CHST11: variants seen among roughly 807,000 people sequenced by gnomAD.
CHST11 encodes the protein C4S-1.
Under a neutral mutation model 30.4 loss-of-function variants are expected in CHST11, and 9 were observed. That is an observed-to-expected ratio of 0.30 (90% CI 0.18 to 0.52). The LOEUF (loss-of-function observed/expected upper bound fraction) is 0.52, where lower values mean the gene tolerates loss of function less well. CHST11 is among the 20% of genes least tolerant of loss of function. The probability of loss-of-function intolerance (pLI) is 0.97; values close to 1 mark genes in which losing one functional copy is unlikely to be tolerated. For synonymous variants in CHST11, 152 were observed against 187.8 expected, an observed-to-expected ratio of 0.81 and a Z score of 1.56; for missense variants, 348 against 460.6, an observed-to-expected ratio of 0.76 and a Z score of 2.24.
intron 1 of CHST11, among the ~76,000 whole-genome samples, chr12:104,472,180 G>A (rs1438122885): frequency 8.2e-6 from 1 of 121,680 alleles, no homozygotes; most frequent in East Asian, 2.3e-4. Flanking sequence ...TAGTTATGTT[G>A]CCCAGGCTGG....
chr12:104,544,718 AAAAAG>A (rs1447205325), intron 1 of CHST11, among the ~76,000 whole-genome samples: 2 of 145,166 alleles, frequency 1.4e-5, no homozygotes, highest in Non-Finnish European at 3.0e-5. Context: ...AAAAAAAAAA[AAAAAG>A]AAATCAGAAA....
At chr12:104,488,546 T>G (rs2037709134) in intron 1 of CHST11, among the ~76,000 whole-genome samples, 1 of 150,740 alleles carries the variant, frequency 6.6e-6, no homozygotes, top group Non-Finnish European at 1.5e-5. Context: ...TGTGTATGTG[T>G]GCGTGTATGT....
chr12:104,672,417 C>G (rs2039705370), intron 2 of CHST11, among the ~76,000 whole-genome samples: 1 of 152,204 alleles, frequency 6.6e-6, no homozygotes, highest in Non-Finnish European at 1.5e-5. Context: ...GAGACCATTG[C>G]TTTCTGCTTT....
intron 2 of CHST11, among the ~76,000 whole-genome samples, chr12:104,646,294 C>G (rs2039429546): frequency 6.6e-6 from 1 of 152,140 alleles, no homozygotes; most frequent in South Asian, 2.1e-4. Flanking sequence ...AGTGTTCCTC[C>G]TCTCACCTCC....
chr12:104,651,467 CA>C (rs1003915777), intron 2 of CHST11, among the ~76,000 whole-genome samples: 1 of 152,172 alleles, frequency 6.6e-6, no homozygotes, highest in African/African-American at 2.4e-5. Flanking sequence ...GGAAGAAAAA[CA>C]GCTTAAATAA....
chr12:104,704,255 C>G (rs1211933328), intron 2 of CHST11, among the ~76,000 whole-genome samples: 1 of 152,226 alleles, frequency 6.6e-6, no homozygotes, highest in African/African-American at 2.4e-5. Context: ...TCCCTGGGGC[C>G]TAACCCTTGC....
In CHST11 at chr12:104,564,876, A is replaced by C. The variant is rs924255268; in HGVS notation, c.119-37030A>C. On this transcript the variant is annotated intron_variant, in intron 1 of 2. Transcript: ENST00000303694. ...AGGCACATCTTACATGGTGGCAGGC[A>C]AGAGAGTGTGTGCAGGGGAACTGCC... 2.2e-4 allele frequency among the ~76,000 whole-genome samples: 34 copies of C among 152,220 alleles called. 1 individual carries two copies. The highest frequency in any genetic ancestry group is 2.2e-3 in the Admixed American group (34 of 15,282).
chr12:104,490,312 T>C (rs1235750646), intron 1 of CHST11, among the ~76,000 whole-genome samples: 3 of 152,216 alleles, frequency 2.0e-5, no homozygotes, highest in South Asian at 4.1e-4. Context: ...GCAGACGTGC[T>C]ATTAGGCTGC....
chr12:104,502,107 C>T (rs1457528391), intron 1 of CHST11, among the ~76,000 whole-genome samples: 3 of 151,874 alleles, frequency 2.0e-5, no homozygotes, highest in African/African-American at 7.3e-5. Context: ...TAGCTCACTG[C>T]AGCTTGAACT....
rs796468874 is a variant in CHST11, at chr12:104,618,219, CT to C, written c.204+16232del. 3.4e-3 allele frequency among the ~76,000 whole-genome samples: 381 copies of C among 111,906 alleles called. 2 individuals are homozygous for C. Among genetic ancestry groups the C allele is most frequent in the African/African-American group, 0.012 (338 of 29,376 alleles). 73.4% of individuals were successfully genotyped at this position (111,906 alleles called of 152,430 possible). A position where few individuals can be genotyped will look rare whatever the true frequency, so the allele number is the denominator to read the frequency against. ...ACTGTGCCTGGCTTCTTCTTCTTTT[CT>C]TTTCTTTTTTTTTTTTTTTTTAAAG... is the stretch of plus-strand genomic sequence containing the variant. On this transcript the variant is annotated intron_variant, in intron 2 of 2. Coordinates refer to ENST00000303694, the MANE Select transcript of CHST11 (RefSeq NM_018413.6).
chr12:104,699,156 C>A (rs762355910), intron 2 of CHST11, among the ~76,000 whole-genome samples: 2 of 152,122 alleles, frequency 1.3e-5, no homozygotes, highest in African/African-American at 4.8e-5. Flanking sequence ...TTGGGTGGGG[C>A]CTGGAAAGCT....
chr12:104,691,189 A>G (rs1426444515), intron 2 of CHST11, among the ~76,000 whole-genome samples: 4 of 152,170 alleles, frequency 2.6e-5, no homozygotes, highest in Admixed American at 2.6e-4. Flanking sequence ...CCAGTGCCCA[A>G]TAAGGCACGG....
At chr12:104,491,443 C>CTCTTCTTCTTCTTCTTCTTCTTCT (rs147243817) in intron 1 of CHST11, among the ~76,000 whole-genome samples, 4 of 151,502 alleles carry the variant, frequency 2.6e-5, no homozygotes, top group African/African-American at 9.7e-5. Flanking sequence ...TTACCTTAGT[C>CTCTTCTTCTTCTTCTTCTTCTTCT]TCTTCTTCTT....
chr12:104,594,276 GACCAGACGAGGGCTAAGAA>G (rs2038887493), intron 1 of CHST11, among the ~76,000 whole-genome samples: 3 of 151,772 alleles, frequency 2.0e-5, no homozygotes, highest in Non-Finnish European at 4.4e-5. Context: ...TGAGCAGGGT[GACCAGACGAGGGCTAAGAA>G]ACCCTCAGAC....
intron 2 of CHST11, among the ~76,000 whole-genome samples, chr12:104,603,546 G>A (rs963751662): frequency 5.9e-5 from 9 of 152,144 alleles, no homozygotes; most frequent in African/African-American, 1.9e-4. Context: ...TTCAAATCCC[G>A]GCTTCATCTC....
intron 1 of CHST11, among the ~76,000 whole-genome samples, chr12:104,591,379 T>C (rs1323036821): frequency 6.6e-6 from 1 of 151,898 alleles, no homozygotes; most frequent in African/African-American, 2.4e-5. Context: ...GTTTTTGTCA[T>C]AGCCCAAGGG....
chr12:104,677,601 A>C (rs1038165378), intron 2 of CHST11, among the ~76,000 whole-genome samples: 1 of 152,220 alleles, frequency 6.6e-6, no homozygotes, highest in Non-Finnish European at 1.5e-5. Flanking sequence ...CAGGGTGTCC[A>C]TTTGAAAGTG....
At position 104,501,255 on chromosome 12, in the gene CHST11, TTGAC is replaced by T. The variant is rs149104430; in HGVS notation, c.118+43729_118+43732del. On this transcript the variant is annotated intron_variant, in intron 1 of 2. Transcript: ENST00000303694. ...CCACAAGCCCAGGTCTCTTTTGCCT[TTGAC>T]TGTACAACCTGCTGCCTGGGAGTTC... 8.7e-3 allele frequency among the ~76,000 whole-genome samples: 1,328 copies of T among 152,272 alleles called. 16 individuals carry two copies. Among genetic ancestry groups the T allele is most frequent in the African/African-American group, 0.031 (1,272 of 41,544 alleles).
chr12:104,578,714 A>G (rs994566844), intron 1 of CHST11, among the ~76,000 whole-genome samples: 16 of 152,350 alleles, frequency 1.1e-4, no homozygotes, highest in African/African-American at 3.1e-4. Context: ...GCGCTCAGCA[A>G]GCTCTCTGAG....
Sources: allele counts gnomAD v4.1 joint callset (sites outside exome capture counted in the v4.1 genomes callset), GRCh38; gene constraint gnomAD v4.1.1; transcripts MANE v1.5; gene names NCBI Gene and HGNC (gene_info 2026-07-23, HGNC 2026-07-21).